SLC25A48: variants seen among roughly 807,000 people sequenced by gnomAD.
SLC25A48 encodes solute carrier family 25 member 48, also known as CTC-321K16.1.
In SLC25A48, 29 loss-of-function variants were observed where a neutral mutation model predicts 32.2. The ratio of observed to expected loss-of-function variants is 0.90; its 90% confidence interval spans 0.67 to 1.23. The LOEUF (loss-of-function observed/expected upper bound fraction) is 1.23, where lower values mean the gene tolerates loss of function less well. SLC25A48 is among the 50% of genes most tolerant of loss of function. The pLI is 0.00. For synonymous variants in SLC25A48, 164 were observed against 172.3 expected, an observed-to-expected ratio of 0.95 and a Z score of 0.38; for missense variants, 399 against 422.7, an observed-to-expected ratio of 0.94 and a Z score of 0.49.
At chr5:135,831,529 GTGA>G (rs1171568236), upstream of SLC25A48, among the ~76,000 whole-genome samples, 1 of 152,208 alleles carries the variant, frequency 6.6e-6, no homozygotes, top group African/African-American at 2.4e-5. Flanking sequence ...GTGGCATAGG[GTGA>G]TGAGGAAGGC....
At chr5:135,792,192 C>G (rs998637033) in intron 3 of SLC25A48, among the ~76,000 whole-genome samples, 1 of 151,644 alleles carries the variant, frequency 6.6e-6, no homozygotes, top group Non-Finnish European at 1.5e-5. Context: ...GTGTGTACAC[C>G]GCTGCGTTAT....
At chr5:135,830,540 A>G (rs1445480122), upstream of SLC25A48, among the ~76,000 whole-genome samples, 1 of 152,156 alleles carries the variant, frequency 6.6e-6, no homozygotes, top group African/African-American at 2.4e-5. Context: ...TGCCAGCCTC[A>G]AGCTGAACAG....
chr5:135,662,060 A>G (rs921062571), intron 3 of SLC25A48, among the ~76,000 whole-genome samples: 1 of 152,206 alleles, frequency 6.6e-6, no homozygotes, highest in African/African-American at 2.4e-5. Flanking sequence ...CTGGCAATGC[A>G]TACAAATCCC....
At chr5:135,833,554 A>G (rs1758284545), upstream of SLC25A48, among the ~76,000 whole-genome samples, 1 of 152,200 alleles carries the variant, frequency 6.6e-6, no homozygotes, top group Non-Finnish European at 1.5e-5. Context: ...TGAAGCCTCA[A>G]GACTGAGTGG....
intron 1 of SLC25A48, among the ~76,000 whole-genome samples, chr5:135,836,336 T>A (rs185430761): frequency 1.1e-3 from 160 of 146,194 alleles, no homozygotes; most frequent in South Asian, 4.8e-3. Context: ...GCAATTACTT[T>A]TGCACCAAAC....
At chr5:135,698,251 G>A (rs1754312942) in intron 3 of SLC25A48, among the ~76,000 whole-genome samples, 1 of 152,198 alleles carries the variant, frequency 6.6e-6, no homozygotes, top group African/African-American at 2.4e-5. Flanking sequence ...TCACTGTAAG[G>A]TCACATTGTG....
intron 1 of SLC25A48, among the ~76,000 whole-genome samples, chr5:135,837,727 G>A (rs1370877267): frequency 2.0e-5 from 3 of 152,180 alleles, no homozygotes. Context: ...CATGTAAGAT[G>A]TGACTTTGCT....
At chr5:135,602,976 G>A (rs1388538594) in intron 1 of SLC25A48, among the ~76,000 whole-genome samples, 1 of 152,182 alleles carries the variant, frequency 6.6e-6, no homozygotes, top group Non-Finnish European at 1.5e-5. Context: ...TCTCACACCA[G>A]CAGGTCATTG....
intron 1 of SLC25A48, among the ~76,000 whole-genome samples, chr5:135,835,455 C>G (rs1196777037): frequency 6.6e-6 from 1 of 152,090 alleles, no homozygotes; most frequent in South Asian, 2.1e-4. Flanking sequence ...CCGCCGCCAA[C>G]CGTCAGCCAT....
Position 135,629,257 on chromosome 5 carries a change from A to AAGG in SLC25A48, c.-823_-821dup, listed in dbSNP as rs1752505725. On this transcript the variant is annotated 5_prime_UTR_variant, in exon 2 of 11. Transcript: ENST00000646290. This position sits in a 1 kb window ranked among gnomAD's most constrained non-coding sequence, Gnocchi z 4.8. ...TTTAGCAGCCCAGCTTAAAGAAAGA[A>AAGG]AGGAGGAAAAAAACCCTGCTGGACG... 1 of 152,176 alleles carries AAGG rather than the reference A, an allele frequency of 6.6e-6. No individual in the cohort carries two copies. Among genetic ancestry groups the AAGG allele is most frequent in the Non-Finnish European group, 1.5e-5 (1 of 68,032 alleles). 9.4% of individuals were successfully genotyped at this position (152,176 alleles called of 1,614,324 possible).
chr5:135,589,149 C>T lies in SLC25A48; in HGVS notation c.-849+9552C>T, dbSNP rs191420554. Among the ~76,000 whole-genome samples, 3 of 152,298 alleles carry T rather than the reference C, an allele frequency of 2.0e-5. No homozygotes were observed. In the East Asian group the frequency reaches 5.8e-4, roughly 29 times the overall value. On this transcript the variant is annotated intron_variant, in intron 1 of 10. Coordinates refer to the SLC25A48 transcript ENST00000646290. ...TCTTTGGGGCACACTGTTTCATAAA[C>T]GCTGTATAATCCCCACTTTAAATGC...
intron 3 of SLC25A48, among the ~76,000 whole-genome samples, chr5:135,785,246 G>C (rs1043951337): frequency 6.6e-6 from 1 of 152,094 alleles, no homozygotes; most frequent in Non-Finnish European, 1.5e-5. Context: ...TAATGTCCGG[G>C]TGGGGAGATG....
At chr5:135,748,722 A>ATT (rs1160434929) in intron 3 of SLC25A48, among the ~76,000 whole-genome samples, 48,891 of 134,904 alleles carry the variant, frequency 0.36, 10,579 homozygotes, top group Non-Finnish European at 0.48. Flanking sequence ...AGACAGGTAA[A>ATT]TTTTTTTTTT....
chr5:135,723,307 C>G (rs541856092), intron 3 of SLC25A48, among the ~76,000 whole-genome samples: 1 of 151,942 alleles, frequency 6.6e-6, no homozygotes, highest in Non-Finnish European at 1.5e-5. Flanking sequence ...AATCCCCATT[C>G]AATGGGAGCT....
chr5:135,633,638 C>A (rs1050871496), intron 2 of SLC25A48, among the ~76,000 whole-genome samples: 2 of 151,828 alleles, frequency 1.3e-5, no homozygotes, highest in African/African-American at 2.4e-5. Flanking sequence ...TTGTGGCAGC[C>A]CAAGCAGACT....
chr5:135,686,279 G>T (rs1464838863), intron 3 of SLC25A48, among the ~76,000 whole-genome samples: 1 of 152,168 alleles, frequency 6.6e-6, no homozygotes, highest in Non-Finnish European at 1.5e-5. Context: ...TATTTCTGTG[G>T]GTTGTAGAGA....
intron 5 of SLC25A48, among the ~76,000 whole-genome samples, chr5:135,873,401 T>C (rs7726572): frequency 0.063 from 9,612 of 152,264 alleles, 738 homozygotes; most frequent in African/African-American, 0.18. Flanking sequence ...CCTAGTGGCA[T>C]GTGATCCCAA....
At chr5:135,683,190 T>C (rs1382771972) in intron 3 of SLC25A48, among the ~76,000 whole-genome samples, 1 of 152,146 alleles carries the variant, frequency 6.6e-6, no homozygotes, top group Non-Finnish European at 1.5e-5. Context: ...AAACTACTAT[T>C]GGTTTAATCA....
At chr5:135,638,058 A>G (rs545503948) in intron 3 of SLC25A48, among the ~76,000 whole-genome samples, 1 of 152,382 alleles carries the variant, frequency 6.6e-6, no homozygotes, top group East Asian at 1.9e-4. Context: ...CAGTTGTGAC[A>G]TAGTTGTCAT....
Sources: allele counts gnomAD v4.1 joint callset (sites outside exome capture counted in the v4.1 genomes callset), GRCh38; gene constraint gnomAD v4.1.1; non-coding constraint Gnocchi (gnomAD v3.1); transcripts MANE v1.5; gene names NCBI Gene and HGNC (gene_info 2026-07-23, HGNC 2026-07-21).